Variants in NRG1 observed in about 807,000 individuals in gnomAD.
The protein encoded by NRG1 is pro-neuregulin-1, membrane-bound isoform.
Under a neutral mutation model 63.8 loss-of-function variants are expected in NRG1, and 18 were observed. The ratio of observed to expected loss-of-function variants is 0.28; its 90% CI spans 0.19 to 0.42. The LOEUF (loss-of-function observed/expected upper bound fraction) is 0.42, where lower values mean the gene tolerates loss of function less well. NRG1 is among the 10% of genes least tolerant of loss of function. NRG1 has a pLI of 1.00. For missense variants in NRG1, 762 were observed against 814.7 expected, an observed-to-expected ratio of 0.94 and a Z score of 0.79; for synonymous variants, 302 against 301.3, an observed-to-expected ratio of 1.00 and a Z score of -0.02.
At position 32,742,637 on chromosome 8, in the gene NRG1, C is replaced by G; in HGVS notation, c.633-38C>G. The G allele has an allele frequency of 1.3e-6, 2 of 1,586,122 alleles. No individual in the cohort carries two copies. The highest frequency in any genetic ancestry group is 2.2e-5 in the South Asian group (2 of 90,446). ...ATATATTCACCTCTTCTCTTTTTCT[C>G]TGTTTTTCTACCATTGTTTTTTTGT... On this transcript the variant is annotated intron_variant, in intron 6 of 11. Transcript: ENST00000356819. This position sits in a 1 kb window ranked among gnomAD's most constrained non-coding sequence, Gnocchi z 4.2.
intron 5 of NRG1, among the ~76,000 whole-genome samples, chr8:32,630,729 G>GTT (rs397891668): frequency 4.4e-5 from 6 of 135,534 alleles, no homozygotes; most frequent in Non-Finnish European, 3.2e-5. Flanking sequence ...CAGATTTTAG[G>GTT]TTTTTTTTTT....
At chr8:32,595,036 A>G (rs1034190360) in intron 1 of NRG1, among the ~76,000 whole-genome samples, 18 of 152,190 alleles carry the variant, frequency 1.2e-4, no homozygotes, top group Non-Finnish European at 2.5e-4. Flanking sequence ...AAAGTCAGCC[A>G]CTTACTTATC....
intron 1 of NRG1, among the ~76,000 whole-genome samples, chr8:32,014,800 T>A (rs1815263824): frequency 6.7e-6 from 1 of 149,738 alleles, no homozygotes; most frequent in South Asian, 2.1e-4. Flanking sequence ...TTGCAGATGA[T>A]CATCTTAAGA....
intron 1 of NRG1, among the ~76,000 whole-genome samples, chr8:31,882,269 G>A (rs1190846894): frequency 1.6e-5 from 2 of 127,860 alleles, no homozygotes; most frequent in East Asian, 5.2e-4. Context: ...CAGCACATCT[G>A]TTTATAGCAT....
chr8:32,181,640 C>G (rs1409007769), intron 1 of NRG1, among the ~76,000 whole-genome samples: 1 of 152,226 alleles, frequency 6.6e-6, no homozygotes, highest in Non-Finnish European at 1.5e-5. Flanking sequence ...CCAGCAGTGT[C>G]TTCTTGGCAT....
chr8:31,708,469 G>A (rs1274982134), intron 1 of NRG1, among the ~76,000 whole-genome samples: 7 of 141,704 alleles, frequency 4.9e-5, no homozygotes, highest in East Asian at 4.4e-4. Flanking sequence ...TTTTTGAGAC[G>A]GAGTCTCGCT....
At position 32,420,193 on chromosome 8, in the gene NRG1, A is replaced by G. The variant is rs145714552; in HGVS notation, c.38-175635A>G. ...ATCAGCTGGAAGAAGCCAAGTGCGT[A>G]CAGCTCCCGGTGGGGTGGCACATGC... On this transcript the variant is annotated intron_variant, in intron 1 of 10. Transcript: ENST00000519301. 3.6e-3 allele frequency among the ~76,000 whole-genome samples: 553 copies of G among 152,294 alleles called. 1 individual carries two copies. Among genetic ancestry groups the G allele is most frequent in the African/African-American group, 0.013 (531 of 41,546 alleles).
intron 1 of NRG1, among the ~76,000 whole-genome samples, chr8:32,246,453 G>T (rs576124322): frequency 1.3e-4 from 20 of 152,268 alleles, no homozygotes; most frequent in African/African-American, 4.8e-4. Flanking sequence ...TCTCAAGGTT[G>T]TGTAAGTGAC....
At chr8:32,596,091 A>G (rs1383330684) in intron 2 of NRG1, 86 bp downstream of exon 2, 2 of 1,038,054 alleles carry the variant, frequency 1.9e-6, no homozygotes, top group South Asian at 2.3e-5. Context: ...AAGTGAATTT[A>G]CTATCAGAAA....
chr8:32,619,547 T>C (rs910642341), intron 5 of NRG1, among the ~76,000 whole-genome samples: 2 of 152,054 alleles, frequency 1.3e-5, no homozygotes, highest in East Asian at 3.9e-4. Flanking sequence ...GCTGAGAGCA[T>C]AGTGGCCTGG....
chr8:32,252,078 G>C (rs980915712), intron 1 of NRG1, among the ~76,000 whole-genome samples: 1 of 152,050 alleles, frequency 6.6e-6, no homozygotes, highest in Non-Finnish European at 1.5e-5. Flanking sequence ...TAGGTTCCTT[G>C]TAGATCCTGG....
chr8:32,155,469 A>G (rs765004349), intron 1 of NRG1, among the ~76,000 whole-genome samples: 9 of 152,186 alleles, frequency 5.9e-5, no homozygotes, highest in Non-Finnish European at 1.3e-4. Flanking sequence ...ATATATATAT[A>G]TACACTATAT....
Position 31,695,168 on chromosome 8 carries a change from TTTTA to T in NRG1, c.37+55749_37+55752del, listed in dbSNP as rs371482655. Among the ~76,000 whole-genome samples, 689 of 152,146 alleles carry T rather than the reference TTTTA, an allele frequency of 4.5e-3. 8 individuals are homozygous for T. The highest frequency in any genetic ancestry group is 0.016 in the African/African-American group (645 of 41,520). On this transcript the variant is annotated intron_variant, in intron 1 of 10. Transcript: ENST00000519301. ...GAGTAAAAGGAGAAGTGCTACACAC[TTTTA>T]TTTATTTATTTTTTTGAGGCAGAGT...
chr8:32,459,663 C>T (rs2129488686), intron 1 of NRG1, among the ~76,000 whole-genome samples: 1 of 151,346 alleles, frequency 6.6e-6, no homozygotes, highest in African/African-American at 2.4e-5. Flanking sequence ...CTTGTTTAAA[C>T]TCTCTATTGG....
intron 1 of NRG1, among the ~76,000 whole-genome samples, chr8:32,398,111 A>G (rs1812680234): frequency 6.6e-6 from 1 of 152,226 alleles, no homozygotes; most frequent in Non-Finnish European, 1.5e-5. Flanking sequence ...GCAGGGAAAT[A>G]GTACTATTTC....
chr8:32,630,697 T>C (rs1850113102), intron 5 of NRG1, among the ~76,000 whole-genome samples: 1 of 152,016 alleles, frequency 6.6e-6, no homozygotes, highest in Non-Finnish European at 1.5e-5. Context: ...CTTTTTTCTA[T>C]GTTTCAATTG....
chr8:32,042,193 C>T (rs1335452407), intron 1 of NRG1, among the ~76,000 whole-genome samples: 2 of 152,020 alleles, frequency 1.3e-5, no homozygotes, highest in African/African-American at 4.8e-5. Flanking sequence ...TCTTGTAATC[C>T]AAGCACTTTG....
exon 1 of NRG1, chr8:32,548,569 C>G (rs1833413091): frequency 1.6e-6 from 2 of 1,279,126 alleles, no homozygotes; most frequent in Non-Finnish European, 2.0e-6. Context: ...GCGCTCCCTG[C>G]AGGCAACGGG....
At chr8:31,776,780 C>A (rs1255291835) in intron 1 of NRG1, among the ~76,000 whole-genome samples, 2 of 151,984 alleles carry the variant, frequency 1.3e-5, no homozygotes, top group Non-Finnish European at 2.9e-5. Flanking sequence ...TGAGTGGGAA[C>A]ATGCGGTGTT....
Sources: gnomAD v4.1 joint callset for allele counts (sites outside exome capture counted in the v4.1 genomes callset) on GRCh38, gnomAD v4.1.1 for gene constraint, Gnocchi (gnomAD v3.1) non-coding constraint, MANE v1.5 for transcripts, NCBI Gene and HGNC (gene_info 2026-07-23, HGNC 2026-07-21) for gene names.